The following JMJD1C variants were observed in gnomAD, a reference collection of about 807,000 sequenced individuals.
The protein encoded by JMJD1C is jumonji domain-containing protein 1C.
Under a neutral mutation model 245.3 loss-of-function variants are expected in JMJD1C, and 31 were observed. The ratio of observed to expected loss-of-function variants is 0.13; its 90% CI spans 0.09 to 0.17. JMJD1C has a LOEUF of 0.17. Ranked by LOEUF, JMJD1C falls within the 10% of genes least tolerant of loss-of-function variation. JMJD1C has a pLI of 1.00. For missense variants in JMJD1C, 2,691 were observed against 3,000.2 expected, an observed-to-expected ratio of 0.90 and a Z score of 2.41; for synonymous variants, 1,057 against 1,017.4, an observed-to-expected ratio of 1.04 and a Z score of -0.74.
At chr10:63,248,164 T>TA (rs1852507686) in intron 3 of JMJD1C, among the ~76,000 whole-genome samples, 1 of 151,402 alleles carries the variant, frequency 6.6e-6, no homozygotes, top group Non-Finnish European at 1.5e-5. Context: ...ACATTTTTAT[T>TA]AAAAAATTTA....
At chr10:63,507,427 G>C (rs554715548) in intron 1 of JMJD1C, among the ~76,000 whole-genome samples, 3 of 151,722 alleles carry the variant, frequency 2.0e-5, no homozygotes, top group Admixed American at 6.6e-5. Flanking sequence ...GGGGATCACC[G>C]GAAGTCAGGA....
chr10:63,332,588 T>G (rs545764642), intron 2 of JMJD1C, among the ~76,000 whole-genome samples: 5 of 152,280 alleles, frequency 3.3e-5, no homozygotes, highest in African/African-American at 1.2e-4. Flanking sequence ...ATTGTGTGAG[T>G]TTAGGCCTCA....
At chr10:63,237,017 A>G (rs2133450603) in intron 3 of JMJD1C, among the ~76,000 whole-genome samples, 1 of 152,234 alleles carries the variant, frequency 6.6e-6, no homozygotes, top group East Asian at 1.9e-4. Flanking sequence ...TGATTCATAC[A>G]GAACAAACAC....
chr10:63,215,624 A>G lies in JMJD1C; in HGVS notation c.751T>C (p.Leu251=). ...TFLDDVVHSL[L]KGENIGITSR... is the part of the protein sequence containing the mutation. Reference sequence around the variant, plus strand: ...GTAATGCCAATATTTTCACCTTTTAACAAAGAGTGAACAACATCATCTAGA... The same window carrying G: ...GTAATGCCAATATTTTCACCTTTTAGCAAAGAGTGAACAACATCATCTAGA... Residue 251 remains leucine (L), a synonymous_variant, in exon 6 of 26, where the codon TTA becomes CTA. Transcript: ENST00000399262. 6.2e-7 allele frequency: 1 copy of G among 1,611,394 alleles called. No homozygotes were observed. The highest frequency in any genetic ancestry group is 2.2e-5 in the East Asian group (1 of 44,766).
intron 1 of JMJD1C, among the ~76,000 whole-genome samples, chr10:63,396,425 CTTTT>C (rs1948491562): frequency 6.6e-6 from 1 of 152,094 alleles, no homozygotes; most frequent in South Asian, 2.1e-4. Context: ...TCCACCTCTC[CTTTT>C]TTATTTTTTG....
intron 2 of JMJD1C, among the ~76,000 whole-genome samples, chr10:63,312,241 G>A (rs1939325126): frequency 6.6e-6 from 1 of 151,928 alleles, no homozygotes; most frequent in Admixed American, 6.6e-5. Context: ...CCGAGTAGCT[G>A]GGATTACAGG....
chr10:63,456,648 A>C (rs1383136525), intron 1 of JMJD1C, among the ~76,000 whole-genome samples: 1 of 152,122 alleles, frequency 6.6e-6, no homozygotes, highest in Non-Finnish European at 1.5e-5. Flanking sequence ...GCTTTGAAAA[A>C]ATCTGAAATC....
intron 1 of JMJD1C, among the ~76,000 whole-genome samples, chr10:63,390,030 A>G (rs990824650): frequency 6.6e-6 from 1 of 152,156 alleles, no homozygotes; most frequent in Non-Finnish European, 1.5e-5. Context: ...GAAAGAAACA[A>G]TTAAGATCAA....
chr10:63,206,728 C>T lies in JMJD1C; in HGVS notation c.4941G>A (p.Lys1647=), dbSNP rs1185288264. 9 of 1,613,552 alleles carry T rather than the reference C, an allele frequency of 5.6e-6. No homozygotes were observed. Among genetic ancestry groups the T allele is most frequent in the Non-Finnish European group, 7.6e-6 (9 of 1,179,870 alleles). Reference sequence around the variant, plus strand: ...CATTTTGCTTCTTTTTGTAAGTTGGCTTAGGTTGTCTTTTAGTCCTTTGCT... The same window carrying T: ...CATTTTGCTTCTTTTTGTAAGTTGGTTTAGGTTGTCTTTTAGTCCTTTGCT... ...KSEQRTKRQP[K]PTYKKKQNDL... is the part of the protein sequence containing the mutation. Residue 1647 remains lysine (K), a synonymous_variant, in exon 10 of 26, where the codon AAG becomes AAA. Coordinates refer to ENST00000399262, the MANE Select transcript of JMJD1C (RefSeq NM_032776.3).
intron 3 of JMJD1C, among the ~76,000 whole-genome samples, chr10:63,222,001 C>T (rs956942641): frequency 6.6e-6 from 1 of 152,152 alleles, no homozygotes. Context: ...GTATTACAGG[C>T]GTGAGCCACC....
At chr10:63,444,460 G>C (rs1331119686) in intron 1 of JMJD1C, among the ~76,000 whole-genome samples, 1 of 151,630 alleles carries the variant, frequency 6.6e-6, no homozygotes, top group African/African-American at 2.4e-5. Context: ...TTTTAGTAGA[G>C]ACCGGGTTTC....
intron 10 of JMJD1C, chr10:63,202,728 A>T: frequency 1.0e-6 from 1 of 985,396 alleles, no homozygotes; most frequent in Non-Finnish European, 1.2e-6. Context: ...TTTCCAGAAG[A>T]CTTATGTAAA....
intron 21 of JMJD1C, among the ~76,000 whole-genome samples, chr10:63,183,926 A>G (rs1843782736): frequency 6.6e-6 from 1 of 152,230 alleles, no homozygotes; most frequent in African/African-American, 2.4e-5. Context: ...GACAATTTGT[A>G]GGAACAGTAA....
At chr10:63,510,250 C>T (rs112958740) in intron 1 of JMJD1C, among the ~76,000 whole-genome samples, 49 of 151,708 alleles carry the variant, frequency 3.2e-4, no homozygotes, top group Non-Finnish European at 2.5e-4. Context: ...TGATCCACCC[C>T]CCTCGGCCTC....
At chr10:63,282,518 A>G (rs929784025) in intron 2 of JMJD1C, among the ~76,000 whole-genome samples, 2 of 152,206 alleles carry the variant, frequency 1.3e-5, no homozygotes, top group Non-Finnish European at 2.9e-5. Context: ...CCTTTTTCAC[A>G]CAATTAAAGA....
At chr10:63,190,790 A>G in intron 17 of JMJD1C, 104 bp downstream of exon 17, 1 of 798,494 alleles carries the variant, frequency 1.3e-6, no homozygotes, top group Non-Finnish European at 2.1e-6. Context: ...AATTTGGTAC[A>G]CTTGATTTCA....
rs1847812723 is a variant in JMJD1C, at chr10:63,214,998, T to C, written c.1169A>G (p.Asp390Gly). Residue 390 changes from aspartate (D) to glycine (G), a missense_variant, in exon 8 of 26, where the codon GAT becomes GGT. Asp to Gly is a moderately conservative substitution (Grantham distance 94). Coordinates refer to ENST00000399262, the MANE Select transcript of JMJD1C (RefSeq NM_032776.3). ...DSENSNKRII[D>G]NSSEQKPENE... The stretch of plus-strand genomic sequence containing the variant: ...CTCTGGCTTCTGTTCTGAGGAATTA[T>C]CTATTATTCTCTTATTTGAATTTTC... 2.5e-6 allele frequency: 4 copies of C among 1,600,328 alleles called. No individual in the cohort carries two copies. Among genetic ancestry groups the C allele is most frequent in the African/African-American group, 1.3e-5 (1 of 74,304 alleles).
At chr10:63,435,946 T>G (rs1213305812) in intron 1 of JMJD1C, among the ~76,000 whole-genome samples, 1 of 152,092 alleles carries the variant, frequency 6.6e-6, no homozygotes, top group Non-Finnish European at 1.5e-5. Context: ...GAGTACCCTC[T>G]CTAAATAAAT....
At chr10:63,466,176 G>A (rs1489870537), upstream of JMJD1C, 9 of 189,530 alleles carry the variant, frequency 4.7e-5, no homozygotes, top group East Asian at 1.5e-3. Flanking sequence ...ACGAAAAAAT[G>A]AAGAGGGCCG....
Sources: gnomAD v4.1 joint callset for allele counts (sites outside exome capture counted in the v4.1 genomes callset) on GRCh38, gnomAD v4.1.1 for gene constraint, MANE v1.5 for transcripts, NCBI Gene and HGNC (gene_info 2026-07-23, HGNC 2026-07-21) for gene names.